HDAC9: variants seen among roughly 807,000 people sequenced by gnomAD.
HDAC9 encodes the protein histone deacetylase 9.
A neutral mutation model predicts 139.4 loss-of-function variants in HDAC9; 41 were observed. The ratio of observed to expected loss-of-function variants is 0.29; its 90% CI spans 0.23 to 0.38. The LOEUF (loss-of-function observed/expected upper bound fraction) is 0.38, where lower values mean the gene tolerates loss of function less well. Ranked by LOEUF, HDAC9 falls within the 10% of genes least tolerant of loss-of-function variation. The pLI, the probability that HDAC9 is intolerant of heterozygous loss-of-function variation, is 1.00. For synonymous variants in HDAC9, 517 were observed against 476.2 expected (o/e 1.09, Z -1.12); for missense variants, 1,147 against 1,297.0 (o/e 0.88, Z 1.78).
chr7:18,571,917 G>C (rs1563325449), intron 2 of HDAC9, among the ~76,000 whole-genome samples: 1 of 151,298 alleles, frequency 6.6e-6, no homozygotes, highest in African/African-American at 2.4e-5. Flanking sequence ...ACTGTTTTGT[G>C]CTGGCTAAAG....
At chr7:18,150,798 T>A (rs1251009779) in intron 1 of HDAC9, among the ~76,000 whole-genome samples, 1 of 152,230 alleles carries the variant, frequency 6.6e-6, no homozygotes, top group African/African-American at 2.4e-5. Flanking sequence ...AGTGCATCTT[T>A]TATGCCCAAA....
chr7:18,330,841 T>C (rs890843594), intron 1 of HDAC9, among the ~76,000 whole-genome samples: 5 of 151,694 alleles, frequency 3.3e-5, no homozygotes, highest in African/African-American at 1.2e-4. Flanking sequence ...TTATGCAAAT[T>C]GGAGCATGTA....
intron 22 of HDAC9, among the ~76,000 whole-genome samples, chr7:18,913,725 A>C (rs1448490118): frequency 6.3e-5 from 9 of 141,766 alleles, no homozygotes; most frequent in Non-Finnish European, 1.1e-4. Context: ...AGAAGATAAG[A>C]ATTTAAAAAG....
intron 21 of HDAC9, among the ~76,000 whole-genome samples, chr7:18,837,640 G>A (rs781050620): frequency 1.6e-4 from 24 of 151,880 alleles, no homozygotes; most frequent in Non-Finnish European, 2.8e-4. Context: ...TCCATTTGGG[G>A]TACTATAGCT....
intron 1 of HDAC9, among the ~76,000 whole-genome samples, chr7:18,352,620 T>A (rs907594890): frequency 1.3e-5 from 2 of 152,096 alleles, no homozygotes; most frequent in Non-Finnish European, 1.5e-5. Flanking sequence ...CCGTTTTAAA[T>A]ACTCAAAGGG....
At chr7:18,161,442 G>C (rs1787620695) in intron 1 of HDAC9, among the ~76,000 whole-genome samples, 1 of 152,062 alleles carries the variant, frequency 6.6e-6, no homozygotes, top group African/African-American at 2.4e-5. Flanking sequence ...TAGTGCAATT[G>C]GGATATACTA....
intron 12 of HDAC9, among the ~76,000 whole-genome samples, chr7:18,714,627 C>T (rs1396976653): frequency 6.6e-6 from 1 of 152,148 alleles, no homozygotes. Context: ...ATGGAACATT[C>T]TTCTTTCTTT....
intron 1 of HDAC9, among the ~76,000 whole-genome samples, chr7:18,089,425 G>A (rs1347182131): frequency 6.6e-6 from 1 of 151,962 alleles, no homozygotes; most frequent in African/African-American, 2.4e-5. Flanking sequence ...ACCAAATTAA[G>A]CATAACCGTT....
chr7:18,987,900 G>A (rs998515210), intron 25 of HDAC9, among the ~76,000 whole-genome samples: 10 of 152,142 alleles, frequency 6.6e-5, no homozygotes, highest in African/African-American at 1.9e-4. Context: ...ATTTCTGTGG[G>A]ATCGGTGGTG....
At chr7:18,336,758 T>C (rs747939437) in intron 1 of HDAC9, among the ~76,000 whole-genome samples, 3 of 151,658 alleles carry the variant, frequency 2.0e-5, no homozygotes, top group Non-Finnish European at 4.4e-5. Context: ...AGGAAGCCAA[T>C]TGAACGTTAA....
chr7:18,500,179 G>A (rs756088154), intron 2 of HDAC9, among the ~76,000 whole-genome samples: 10 of 152,060 alleles, frequency 6.6e-5, no homozygotes, highest in Admixed American at 1.3e-4. Flanking sequence ...TGTTATGTCC[G>A]TTAAGTAAGA....
chr7:18,091,319 C>T (rs758588896), intron 1 of HDAC9, among the ~76,000 whole-genome samples: 12 of 152,178 alleles, frequency 7.9e-5, no homozygotes, highest in African/African-American at 1.9e-4. Flanking sequence ...GAGAGTATAA[C>T]GTGTTTCTGG....
chr7:18,298,600 C>A (rs1213778447), intron 1 of HDAC9, among the ~76,000 whole-genome samples: 1 of 152,164 alleles, frequency 6.6e-6, no homozygotes, highest in Non-Finnish European at 1.5e-5. Flanking sequence ...CATGTCCCTA[C>A]AAAGGACATG....
intron 11 of HDAC9, among the ~76,000 whole-genome samples, chr7:18,661,530 CTT>C (rs564301119): frequency 2.0e-5 from 3 of 151,024 alleles, no homozygotes; most frequent in Non-Finnish European, 3.0e-5. Context: ...GGTTTCTACT[CTT>C]TTTTTTTAAA....
chr7:18,544,203 G>A (rs896691090), intron 2 of HDAC9, among the ~76,000 whole-genome samples: 1 of 152,104 alleles, frequency 6.6e-6, no homozygotes, highest in Non-Finnish European at 1.5e-5. Context: ...ACTGGAGGTG[G>A]GGAGAAGTTA....
At chr7:18,959,038 T>G (rs1179364829) in intron 24 of HDAC9, among the ~76,000 whole-genome samples, 3 of 152,156 alleles carry the variant, frequency 2.0e-5, no homozygotes, top group African/African-American at 7.2e-5. Flanking sequence ...AACTCTCATA[T>G]GGATGTTTCC....
At chr7:18,296,770 A>C (rs1234358859) in intron 1 of HDAC9, among the ~76,000 whole-genome samples, 4 of 152,326 alleles carry the variant, frequency 2.6e-5, no homozygotes, top group Non-Finnish European at 1.5e-5. Context: ...CAGTGGCACC[A>C]TTAGAAAGAA....
At chr7:18,393,407 G>A in intron 1 of HDAC9, among the ~76,000 whole-genome samples, 1 of 152,144 alleles carries the variant, frequency 6.6e-6, no homozygotes, top group East Asian at 1.9e-4. Flanking sequence ...GAACAGAGGA[G>A]ATTTGCAGCA....
chr7:18,138,040 G>A (rs929382691), intron 1 of HDAC9, among the ~76,000 whole-genome samples: 1 of 152,146 alleles, frequency 6.6e-6, no homozygotes, highest in Non-Finnish European at 1.5e-5. Flanking sequence ...TTGGGAGAGT[G>A]TATGTGTTGA....
Sources: allele counts gnomAD v4.1 joint callset (sites outside exome capture counted in the v4.1 genomes callset), GRCh38; gene constraint gnomAD v4.1.1; transcripts MANE v1.5; gene names NCBI Gene and HGNC (gene_info 2026-07-23, HGNC 2026-07-21).